LRP1B: variants seen among roughly 807,000 people sequenced by gnomAD.
The protein encoded by LRP1B is LDL receptor related protein 1B.
In LRP1B, 217 loss-of-function variants were observed where a neutral mutation model predicts 556.6. That is an observed-to-expected ratio of 0.39 (90% CI 0.35 to 0.44). The LOEUF is 0.44. Ranked by LOEUF, LRP1B falls within the 20% of genes least tolerant of loss-of-function variation. The probability of loss-of-function intolerance (pLI) is 1.00; values close to 1 mark genes in which losing one functional copy is unlikely to be tolerated. For missense variants in LRP1B, 5,053 were observed against 5,620.8 expected (o/e 0.90, Z 3.23); for synonymous variants, 2,047 against 1,865.8 (o/e 1.10, Z -2.50).
intron 35 of LRP1B, among the ~76,000 whole-genome samples, chr2:140,748,811 ATGTATATAATATATAT>A (rs1688461903): frequency 1.0e-5 from 1 of 100,356 alleles, no homozygotes; most frequent in Non-Finnish European, 2.0e-5. Flanking sequence ...TATTATATAC[ATGTATATAATATATAT>A]CATATATTAT....
At position 140,907,868 on chromosome 2, in the gene LRP1B, A is replaced by G. The variant is rs113397904; in HGVS notation, c.3520+9T>C. ...CATGGAGAAGTCAGTACAATTAAAC[A>G]TGCAATACCACAGAGATAGCCTTCA... is the stretch of plus-strand genomic sequence containing the variant. On this transcript the variant is annotated intron_variant, in intron 22 of 90. Coordinates refer to ENST00000389484, the MANE Select transcript of LRP1B (RefSeq NM_018557.3). 2.0e-5 allele frequency: 32 copies of G among 1,612,740 alleles called. No homozygotes were observed. In the African/African-American group the frequency reaches 2.5e-4, roughly 13 times the overall value.
At chr2:140,481,830 A>G (rs1688259078) in intron 59 of LRP1B, among the ~76,000 whole-genome samples, 1 of 152,118 alleles carries the variant, frequency 6.6e-6, no homozygotes, top group South Asian at 2.1e-4. Flanking sequence ...AACTGGATCC[A>G]TAATTACATA....
At chr2:140,884,868 A>T (rs1693587499) in intron 24 of LRP1B, among the ~76,000 whole-genome samples, 1 of 152,050 alleles carries the variant, frequency 6.6e-6, no homozygotes, top group Admixed American at 6.6e-5. Context: ...GCACACAACC[A>T]CACCCAGCTA....
intron 2 of LRP1B, among the ~76,000 whole-genome samples, chr2:141,603,789 C>T (rs538601264): frequency 6.6e-6 from 1 of 152,232 alleles, no homozygotes; most frequent in African/African-American, 2.4e-5. Context: ...AGTTTCTTCT[C>T]TCAAAACTCA....
intron 41 of LRP1B, among the ~76,000 whole-genome samples, chr2:140,697,958 T>A (rs1686494763): frequency 6.6e-6 from 1 of 152,154 alleles, no homozygotes; most frequent in Non-Finnish European, 1.5e-5. Flanking sequence ...TATACATGTA[T>A]ATTTGCCCCA....
chr2:142,086,373 G>T (rs898679905), intron 1 of LRP1B, among the ~76,000 whole-genome samples: 8 of 152,264 alleles, frequency 5.3e-5, no homozygotes, highest in Admixed American at 1.3e-4. Context: ...CACTTGGGAG[G>T]CCGAGGTGGA....
chr2:140,269,725 A>G (rs1682374465), intron 86 of LRP1B, among the ~76,000 whole-genome samples: 1 of 151,958 alleles, frequency 6.6e-6, no homozygotes, highest in South Asian at 2.1e-4. Flanking sequence ...AGTACTGTGA[A>G]TATACCCAAT....
At chr2:141,523,962 G>T (rs545013335) in intron 2 of LRP1B, among the ~76,000 whole-genome samples, 1 of 152,026 alleles carries the variant, frequency 6.6e-6, no homozygotes, top group Non-Finnish European at 1.5e-5. Flanking sequence ...AGCTAAAGTC[G>T]CAATAAGATC....
chr2:140,449,349 A>G (rs527347086), intron 63 of LRP1B, among the ~76,000 whole-genome samples: 21 of 152,254 alleles, frequency 1.4e-4, no homozygotes, highest in African/African-American at 3.8e-4. Context: ...AAGGTCACCA[A>G]AATAATTTAT....
At chr2:140,299,015 G>A (rs1683711541) in intron 83 of LRP1B, among the ~76,000 whole-genome samples, 1 of 152,130 alleles carries the variant, frequency 6.6e-6, no homozygotes, top group African/African-American at 2.4e-5. Context: ...TTGACTAGCA[G>A]TAGAGAATAT....
intron 63 of LRP1B, among the ~76,000 whole-genome samples, chr2:140,449,543 CAAT>C (rs983248981): frequency 6.6e-6 from 1 of 152,062 alleles, no homozygotes; most frequent in African/African-American, 2.4e-5. Flanking sequence ...ATTAGAAACA[CAAT>C]GACTTTTATA....
chr2:140,547,354 T>G (rs1412793806), intron 43 of LRP1B, among the ~76,000 whole-genome samples: 1 of 152,130 alleles, frequency 6.6e-6, no homozygotes, highest in Non-Finnish European at 1.5e-5. Context: ...TGCTCAGGGA[T>G]TCAATTTTTT....
intron 47 of LRP1B, among the ~76,000 whole-genome samples, chr2:140,531,770 C>T (rs1690703618): frequency 6.6e-6 from 1 of 152,118 alleles, no homozygotes; most frequent in South Asian, 2.1e-4. Context: ...TGAATGTCAT[C>T]AAGCGAGTAT....
chr2:142,040,296 C>A (rs1464195073), intron 1 of LRP1B, among the ~76,000 whole-genome samples: 1 of 151,138 alleles, frequency 6.6e-6, no homozygotes, highest in African/African-American at 2.4e-5. Context: ...GTCCATGTTT[C>A]CAGTCTTCTA....
At chr2:141,029,167 T>G (rs2105410828) in intron 11 of LRP1B, among the ~76,000 whole-genome samples, 1 of 151,998 alleles carries the variant, frequency 6.6e-6, no homozygotes. Flanking sequence ...TGGAGAAGAG[T>G]TACAGGGCTA....
chr2:142,038,982 C>T (rs1703976402), intron 1 of LRP1B, among the ~76,000 whole-genome samples: 1 of 151,478 alleles, frequency 6.6e-6, no homozygotes, highest in African/African-American at 2.4e-5. Flanking sequence ...TCATGTTCTT[C>T]TTGCTCATGT....
Position 141,810,280 on chromosome 2 carries a change from G to T in LRP1B, c.204C>A (p.Thr68=), listed in dbSNP as rs755657352. The part of the protein sequence containing the change: ...CPDDSDESLD[T]CPEEVEIKCP... ...TGGCATGAGAACCTTTCTACTCACA[G>T]GTATCTAAAGACTCGTCTGAATCAT... The change falls in exon 2 of 91, where the codon ACC becomes ACA. Residue 68 remains threonine, a splice_region_variant and synonymous_variant. Coordinates refer to ENST00000389484, the MANE Select transcript of LRP1B (RefSeq NM_018557.3). The T allele has an allele frequency of 3.0e-5, 49 of 1,612,846 alleles. No homozygotes were observed. Among genetic ancestry groups the T allele is most frequent in the Non-Finnish European group, 4.1e-5 (48 of 1,179,278 alleles).
At chr2:140,639,435 A>G (rs887717573) in intron 41 of LRP1B, among the ~76,000 whole-genome samples, 4 of 152,348 alleles carry the variant, frequency 2.6e-5, no homozygotes, top group African/African-American at 7.2e-5. Context: ...ACCTTCAGCT[A>G]TAATACAAAT....
intron 54 of LRP1B, among the ~76,000 whole-genome samples, 163 bp downstream of exon 54, chr2:140,502,800 T>C (rs1689252725): frequency 6.6e-6 from 1 of 152,016 alleles, no homozygotes; most frequent in Non-Finnish European, 1.5e-5. Context: ...CAAAACTAGC[T>C]TCTCACAGAG....
Sources: allele counts gnomAD v4.1 joint callset (sites outside exome capture counted in the v4.1 genomes callset), GRCh38; gene constraint gnomAD v4.1.1; transcripts MANE v1.5; gene names NCBI Gene and HGNC (gene_info 2026-07-23, HGNC 2026-07-21).